The following NOXA1 variants were observed in gnomAD, a reference collection of about 807,000 sequenced individuals.
NOXA1 encodes the protein NADPH oxidase activator 1.
A neutral mutation model predicts 64.8 loss-of-function variants in NOXA1; 56 were observed. The ratio of observed to expected loss-of-function variants is 0.86; its 90% CI spans 0.70 to 1.08. The LOEUF (loss-of-function observed/expected upper bound fraction) is 1.08. Among genes scored for constraint, NOXA1 ranks in the 50% least tolerant of loss-of-function variants. The pLI is 0.00. For missense variants in NOXA1, 668 were observed against 658.5 expected, an observed-to-expected ratio of 1.01 and a Z score of -0.16; for synonymous variants, 295 against 294.8, an observed-to-expected ratio of 1.00 and a Z score of -0.01.
intron 1 of NOXA1, among the ~76,000 whole-genome samples, chr9:137,424,164 G>C (rs1005251800): frequency 3.9e-5 from 6 of 152,146 alleles, no homozygotes; most frequent in African/African-American, 1.4e-4. Flanking sequence ...TCGCGTTCCG[G>C]GGCCGCCTGT....
intron 5 of NOXA1, among the ~76,000 whole-genome samples, chr9:137,430,440 G>A: frequency 6.6e-6 from 1 of 152,366 alleles, no homozygotes; most frequent in South Asian, 2.1e-4. Flanking sequence ...GCCGACTCCT[G>A]GGCCCAGTGC....
chr9:137,433,397 C>A, intron 10 of NOXA1, 56 bp from the exon 11 acceptor site: 2 of 1,546,546 alleles, frequency 1.3e-6, no homozygotes, highest in East Asian at 2.3e-5. Flanking sequence ...CTGAAGACGG[C>A]CCTGACCAGG....
chr9:137,425,640 C>T (rs1156236442), intron 1 of NOXA1, among the ~76,000 whole-genome samples: 2 of 152,210 alleles, frequency 1.3e-5, no homozygotes, highest in African/African-American at 2.4e-5. Context: ...CCCACCTCAG[C>T]TTCCCAACAT....
intron 8 of NOXA1, among the ~76,000 whole-genome samples, chr9:137,432,305 C>T (rs1242926287): frequency 1.4e-5 from 2 of 147,438 alleles, no homozygotes; most frequent in Admixed American, 6.8e-5. Context: ...AAAAGCCAGG[C>T]GAAGTGGCTC....
chr9:137,430,666 G>A, intron 5 of NOXA1, 118 bp from the exon 6 acceptor site: 1 of 789,480 alleles, frequency 1.3e-6, no homozygotes, highest in Non-Finnish European at 1.9e-6. Flanking sequence ...CCGGGCATGG[G>A]CAGCTGTCAC....
chr9:137,429,398 G>A lies in NOXA1; in HGVS notation c.612+15G>A, dbSNP rs750113170. ...GCAAGGCCAAGGTAAAGGTGGGGACGGCGTCCTGGGGCATGGCGGCTGGTG... is the reference window on the plus strand; with the variant it reads ...GCAAGGCCAAGGTAAAGGTGGGGACAGCGTCCTGGGGCATGGCGGCTGGTG... On this transcript the variant is annotated intron_variant, in intron 5 of 13. Transcript: ENST00000683555. The A allele has an allele frequency of 8.6e-6, 13 of 1,519,578 alleles. No homozygotes were observed. Among genetic ancestry groups the A allele is most frequent in the African/African-American group, 8.2e-5 (6 of 72,944 alleles). 94.1% of individuals were successfully genotyped at this position (1,519,578 alleles called of 1,614,324 possible).
intron 2 of NOXA1, among the ~76,000 whole-genome samples, 169 bp from the exon 3 acceptor site, chr9:137,427,864 C>A (rs1265312930): frequency 6.6e-6 from 1 of 152,240 alleles, no homozygotes; most frequent in Non-Finnish European, 1.5e-5. Flanking sequence ...TGTGCATGGA[C>A]CCCTGGCCCA....
chr9:137,431,377 C>A lies in NOXA1; in HGVS notation c.804+36C>A. 2.0e-6 allele frequency: 3 copies of A among 1,535,516 alleles called. No individual in the cohort carries two copies. The highest frequency in any genetic ancestry group is 2.2e-5 in the South Asian group (2 of 89,582). On this transcript the variant is annotated intron_variant, in intron 8 of 13. Transcript: ENST00000683555. The surrounding 1 kb of genome is among the most constrained non-coding windows in gnomAD (Gnocchi z 5.6). Reference sequence around the variant, plus strand: ...CTGGGCCTCTTCCCCTGCTGGGGGTCGGTGCTTCTGCTGCCTCCGCAGACT... The same window carrying A: ...CTGGGCCTCTTCCCCTGCTGGGGGTAGGTGCTTCTGCTGCCTCCGCAGACT...
At position 137,434,018 on chromosome 9, in the gene NOXA1, C is replaced by A; in HGVS notation, c.1233C>A (p.Ser411=). ...LYQVVAQHSY[S]AQGPEDLGFR... Reference sequence around the variant, plus strand: ...AGGTGGTGGCCCAGCACAGCTACTCCGCCCAGGGGCCAGAGGACCTGGGCT... The same window carrying A: ...AGGTGGTGGCCCAGCACAGCTACTCAGCCCAGGGGCCAGAGGACCTGGGCT... The change falls in exon 13 of 14, where the codon TCC becomes TCA. Residue 411 remains serine (S), a synonymous_variant. Transcript: ENST00000683555. 1 of 1,568,354 alleles carries A rather than the reference C, an allele frequency of 6.4e-7. No homozygotes were observed. The highest frequency in any genetic ancestry group is 2.3e-5 in the East Asian group (1 of 43,316).
At chr9:137,432,402 A>C (rs1223109023) in intron 8 of NOXA1, among the ~76,000 whole-genome samples, 1 of 152,028 alleles carries the variant, frequency 6.6e-6, no homozygotes, top group East Asian at 1.9e-4. Context: ...ACATGGTGAA[A>C]CCCTGTCTCT....
chr9:137,431,777 C>T lies in NOXA1; in HGVS notation c.804+436C>T, dbSNP rs1839119581. On this transcript the variant is annotated intron_variant, in intron 8 of 13. Coordinates refer to ENST00000683555, the MANE Select transcript of NOXA1 (RefSeq NM_001256067.2). The surrounding 1 kb of genome is among the most constrained non-coding windows in gnomAD (Gnocchi z 5.6). ...ACTCCATCCCCCGAGTCCTCCCGGACACCCCGGCACCTGGGGAGAGGCGGA... is the reference window on the plus strand; with the variant it reads ...ACTCCATCCCCCGAGTCCTCCCGGATACCCCGGCACCTGGGGAGAGGCGGA... 6.6e-6 allele frequency among the ~76,000 whole-genome samples: 1 copy of T among 152,184 alleles called. No homozygotes were observed. Among genetic ancestry groups the T allele is most frequent in the Non-Finnish European group, 1.5e-5 (1 of 68,012 alleles).
In NOXA1 at chr9:137,423,621, C is replaced by T. The variant is rs1371095473; in HGVS notation, c.92C>T (p.Ser31Leu). The change falls in exon 1 of 14, where the codon TCG (serine) becomes TTG (leucine). Residue 31 changes from serine to leucine, a missense_variant. Ser to Leu is a moderately radical substitution (Grantham distance 145, BLOSUM62 -2). Transcript: ENST00000683555. The part of the protein sequence containing the change: ...GDWARALHLF[S>L]GVPAPPARLC... Reference sequence around the variant, plus strand: ...TGGGCCCGCGCCTTGCACCTCTTCTCGGGCGTCCCGGCGCCGCCCGCCAGG... The same window carrying T: ...TGGGCCCGCGCCTTGCACCTCTTCTTGGGCGTCCCGGCGCCGCCCGCCAGG... 3 of 1,455,206 alleles carry T rather than the reference C, an allele frequency of 2.1e-6. No homozygotes were observed. Among genetic ancestry groups the T allele is most frequent in the East Asian group, 3.0e-5 (1 of 33,058 alleles). The allele number at this position is 1,455,206 out of a possible 1,614,324, so 90.1% of individuals were successfully genotyped here. A position where few individuals can be genotyped will look rare whatever the true frequency, so the allele number is the denominator to read the frequency against.
At position 137,434,095 on chromosome 9, in the gene NOXA1, C is replaced by T; in HGVS notation, c.1294+16C>T. 6.3e-7 allele frequency: 1 copy of T among 1,583,700 alleles called. No homozygotes were observed. The highest frequency in any genetic ancestry group is 8.6e-7 in the Non-Finnish European group (1 of 1,168,904). On this transcript the variant is annotated intron_variant, in intron 13 of 13. Transcript: ENST00000683555. ...CTGTGTGAAGGTAGGGTGGGCATGGCCCTTCCCAGGCAGCACCGTGGTGCC... is the reference window on the plus strand; with the variant it reads ...CTGTGTGAAGGTAGGGTGGGCATGGTCCTTCCCAGGCAGCACCGTGGTGCC...
chr9:137,431,174 C>G lies in NOXA1; in HGVS notation c.699-62C>G. 6.2e-7 allele frequency: 1 copy of G among 1,609,788 alleles called. No individual in the cohort carries two copies. Among genetic ancestry groups the G allele is most frequent in the Non-Finnish European group, 8.5e-7 (1 of 1,177,746 alleles). On this transcript the variant is annotated intron_variant, in intron 7 of 13. Transcript: ENST00000683555. The surrounding 1 kb of genome is among the most constrained non-coding windows in gnomAD (Gnocchi z 5.6). ...CAGAGGCCCTCCACATGGGGCCACG[C>G]GGGCCGGGCACAGGAGGGCAGTCAG...
intron 1 of NOXA1, among the ~76,000 whole-genome samples, 193 bp downstream of exon 1, chr9:137,423,899 A>T (rs950126274): frequency 6.6e-6 from 1 of 151,952 alleles, no homozygotes; most frequent in Non-Finnish European, 1.5e-5. Context: ...CGCGGCGGTC[A>T]CCGGGAGAGG....
chr9:137,427,437 C>G (rs888744079), intron 2 of NOXA1, among the ~76,000 whole-genome samples: 2 of 152,224 alleles, frequency 1.3e-5, no homozygotes, highest in Admixed American at 6.5e-5. Context: ...CCAGAGAGCC[C>G]GGATCTGGAG....
In NOXA1 at chr9:137,432,000, C is replaced by T. The variant is rs141163842; in HGVS notation, c.804+659C>T. On this transcript the variant is annotated intron_variant, in intron 8 of 13. Transcript: ENST00000683555. The surrounding 1 kb of genome is among the most constrained non-coding windows in gnomAD (Gnocchi z 5.6). ...CGTGGCATCCCGGGGGCAAGGGCGC[C>T]CTCCAAGCTGTGCTTCACTAATTCC... Among the ~76,000 whole-genome samples, 18 of 152,280 alleles carry T rather than the reference C, an allele frequency of 1.2e-4. No individual in the cohort carries two copies. The East Asian group carries it at 2.1e-3, about 18-fold the overall frequency.
chr9:137,427,948 G>A (rs1185575208), intron 2 of NOXA1, 85 bp from the exon 3 acceptor site: 10 of 883,256 alleles, frequency 1.1e-5, no homozygotes, highest in African/African-American at 1.7e-5. Context: ...TGTTGGGGGC[G>A]GCTCGAGCGG....
In NOXA1 at chr9:137,431,125, C is replaced by G; in HGVS notation, c.698+25C>G. ...GGTAGGAGGGGCTGACTGGGCCCTGCGAGCGCGTGCCTTTCCTGCTGGGCA... is the reference window on the plus strand; with the variant it reads ...GGTAGGAGGGGCTGACTGGGCCCTGGGAGCGCGTGCCTTTCCTGCTGGGCA... On this transcript the variant is annotated intron_variant, in intron 7 of 13. Coordinates refer to ENST00000683555, the MANE Select transcript of NOXA1 (RefSeq NM_001256067.2). The surrounding 1 kb of genome is among the most constrained non-coding windows in gnomAD (Gnocchi z 5.6). 1 of 1,612,834 alleles carries G rather than the reference C, an allele frequency of 6.2e-7. No individual in the cohort carries two copies. The highest frequency in any genetic ancestry group is 8.5e-7 in the Non-Finnish European group (1 of 1,179,872).
Sources: gnomAD v4.1 joint callset for allele counts (sites outside exome capture counted in the v4.1 genomes callset) on GRCh38, gnomAD v4.1.1 for gene constraint, Gnocchi (gnomAD v3.1) non-coding constraint, MANE v1.5 for transcripts, NCBI Gene and HGNC (gene_info 2026-07-23, HGNC 2026-07-21) for gene names.